The following USP25 variants were observed in gnomAD, a reference collection of about 807,000 sequenced individuals.
USP25 encodes ubiquitin specific peptidase 25.
In USP25, 85 loss-of-function variants were observed where a neutral mutation model predicts 158.5. The observed-to-expected ratio is 0.54, with a 90% CI of 0.45 to 0.64. USP25 has a LOEUF of 0.64. USP25 is among the 30% of genes least tolerant of loss of function. USP25 has a pLI of 0.00. For missense variants in USP25, 1,242 were observed against 1,327.3 expected, an observed-to-expected ratio of 0.94 and a Z score of 1.00; for synonymous variants, 464 against 460.4, an observed-to-expected ratio of 1.01 and a Z score of -0.10.
intron 17 of USP25, among the ~76,000 whole-genome samples, chr21:15,840,040 A>G (rs1319271199): frequency 2.6e-5 from 4 of 151,876 alleles, no homozygotes; most frequent in East Asian, 3.9e-4. Flanking sequence ...GTTCTTCTCT[A>G]TTGTACTTAT....
chr21:15,779,128 T>A (rs933719150), intron 4 of USP25, among the ~76,000 whole-genome samples: 10 of 152,074 alleles, frequency 6.6e-5, no homozygotes, highest in Non-Finnish European at 1.2e-4. Context: ...TAAGACATTA[T>A]ATTATGTAAA....
chr21:15,825,159 T>G lies in USP25; in HGVS notation c.1304+98T>G, dbSNP rs371234290. The G allele has an allele frequency of 2.1e-4, 176 of 836,938 alleles. No individual in the cohort carries two copies. In the African/African-American group the frequency reaches 2.6e-3, roughly 13 times the overall value. The allele number at this position is 836,938 out of a possible 1,614,324, so 51.8% of individuals were successfully genotyped here. The stretch of plus-strand genomic sequence containing the variant: ...AAATTTGCTTTGAGTGATTTATAAT[T>G]TTAGGAGTAGTTAATATTGTGTGAA... On this transcript the variant is annotated intron_variant, in intron 12 of 25. Coordinates refer to ENST00000400183, the MANE Select transcript of USP25 (RefSeq NM_001283041.3).
chr21:15,789,057 G>T (rs971968968), intron 4 of USP25, among the ~76,000 whole-genome samples: 1 of 152,022 alleles, frequency 6.6e-6, no homozygotes, highest in East Asian at 1.9e-4. Context: ...AAATGGTTCA[G>T]GCTTTACTTG....
intron 4 of USP25, among the ~76,000 whole-genome samples, chr21:15,778,717 A>G (rs541889597): frequency 6.6e-6 from 1 of 152,118 alleles, no homozygotes; most frequent in African/African-American, 2.4e-5. Flanking sequence ...GGTTTTCATA[A>G]TACCTCTAAA....
chr21:15,811,141 G>A lies in USP25; in HGVS notation c.862G>A (p.Glu288Lys), dbSNP rs2036640356. Residue 288 changes from glutamate (E) to lysine (K), a missense_variant, in exon 9 of 26, where the codon GAA becomes AAA. Physicochemically the swap from Glu to Lys is moderately conservative, Grantham distance 56. This residue lies in a region of USP25 where 627 missense variants were observed against 701.4 expected (regional missense o/e 0.89). Coordinates refer to ENST00000400183, the MANE Select transcript of USP25 (RefSeq NM_001283041.3). ...ATATTTTTTAACATACTTTAGGGAT[G>A]AAGAGAAGCCAAAGAACCCCATGGT... is the stretch of plus-strand genomic sequence containing the variant. ...FQMKAEEETD[E>K]EKPKNPMVEL... The A allele has an allele frequency of 1.2e-6, 2 of 1,610,684 alleles. No homozygotes were observed. Among genetic ancestry groups the A allele is most frequent in the Admixed American group, 1.7e-5 (1 of 59,270 alleles).
chr21:15,830,413 A>G (rs1447497957), intron 14 of USP25, 118 bp from the exon 15 acceptor site: 13 of 746,224 alleles, frequency 1.7e-5, no homozygotes, highest in Non-Finnish European at 2.7e-5. Flanking sequence ...TTTTTTAAGA[A>G]AAGTTTTAGG....
intron 5 of USP25, among the ~76,000 whole-genome samples, chr21:15,791,880 T>C (rs770007884): frequency 2.0e-5 from 3 of 151,894 alleles, no homozygotes; most frequent in Non-Finnish European, 2.9e-5. Context: ...TCACTACTTA[T>C]GCCTTTCACT....
chr21:15,788,587 T>C (rs552832636), intron 4 of USP25, among the ~76,000 whole-genome samples: 68 of 152,192 alleles, frequency 4.5e-4, no homozygotes, highest in African/African-American at 1.6e-3. Context: ...TTAAGTTCTT[T>C]AGGAACCAAG....
chr21:15,761,931 A>C (rs548652224), intron 1 of USP25, among the ~76,000 whole-genome samples: 1 of 152,288 alleles, frequency 6.6e-6, no homozygotes, highest in African/African-American at 2.4e-5. Context: ...AGGAAGCAGG[A>C]AGTGAGCTTG....
chr21:15,835,527 T>C (rs2038023793), intron 17 of USP25, among the ~76,000 whole-genome samples: 1 of 152,214 alleles, frequency 6.6e-6, no homozygotes, highest in Non-Finnish European at 1.5e-5. Context: ...TTACATGGTG[T>C]TTTGTAATTT....
At chr21:15,828,107 C>T (rs562620311) in intron 14 of USP25, among the ~76,000 whole-genome samples, 12 of 151,920 alleles carry the variant, frequency 7.9e-5, no homozygotes, top group African/African-American at 2.7e-4. Flanking sequence ...ATTATATGAC[C>T]AACTTAACTC....
intron 1 of USP25, among the ~76,000 whole-genome samples, chr21:15,731,386 C>T (rs926211851): frequency 2.6e-5 from 4 of 152,086 alleles, no homozygotes; most frequent in Non-Finnish European, 2.9e-5. Context: ...TTAGGGTTTA[C>T]TGTGATCAAC....
chr21:15,773,538 A>C lies in USP25; in HGVS notation c.269-4366A>C, dbSNP rs560924344. Among the ~76,000 whole-genome samples, 40 of 152,054 alleles carry C rather than the reference A, an allele frequency of 2.6e-4. 1 individual carries two copies. The highest frequency in any genetic ancestry group is 8.3e-4 in the South Asian group (4 of 4,828). On this transcript the variant is annotated intron_variant, in intron 3 of 25. Transcript: ENST00000400183. ...TATTATTGTACACATACAATCTCCTAATCTTTATCTTTTGCCAGTTATTTC... is the reference window on the plus strand; with the variant it reads ...TATTATTGTACACATACAATCTCCTCATCTTTATCTTTTGCCAGTTATTTC...
At chr21:15,832,212 CTG>C (rs2037837619) in intron 16 of USP25, among the ~76,000 whole-genome samples, 1 of 152,192 alleles carries the variant, frequency 6.6e-6, no homozygotes, top group Admixed American at 6.5e-5. Context: ...CATCTGTCTA[CTG>C]GGCATTTACT....
chr21:15,860,082 G>A (rs892707849), intron 20 of USP25, among the ~76,000 whole-genome samples: 61 of 149,822 alleles, frequency 4.1e-4, no homozygotes, highest in African/African-American at 1.4e-3. Context: ...TTTGCCTCCC[G>A]GGTTCAAGTG....
intron 9 of USP25, among the ~76,000 whole-genome samples, chr21:15,813,635 C>T (rs1007014367): frequency 6.6e-6 from 1 of 152,162 alleles, no homozygotes; most frequent in African/African-American, 2.4e-5. Flanking sequence ...CTTTCTTTCT[C>T]ATCAATATTT....
At chr21:15,753,641 A>C (rs566924267) in intron 1 of USP25, among the ~76,000 whole-genome samples, 92 of 152,138 alleles carry the variant, frequency 6.0e-4, no homozygotes, top group Non-Finnish European at 1.2e-3. Context: ...AATTTAGAAG[A>C]ATTAGAAAAT....
Position 15,878,423 on chromosome 21 carries a change from G to A in USP25, c.3326G>A (p.Arg1109Gln), listed in dbSNP as rs759431268. ...PSYSTHELCE[R>Q]FARIMLSLSR... ...TATTCCACGCATGAACTCTGTGAGC[G>A]ATTTGCCCGAATCATGTTGTCCCTC... is the stretch of plus-strand genomic sequence containing the variant. The change falls in exon 26 of 26, where the codon CGA becomes CAA. Residue 1109 changes from arginine (R) to glutamine (Q), a missense_variant. Physicochemically the swap from Arg to Gln is conservative, Grantham distance 43 (BLOSUM62 1). Coordinates refer to ENST00000400183, the MANE Select transcript of USP25 (RefSeq NM_001283041.3). 3.1e-6 allele frequency: 5 copies of A among 1,614,012 alleles called. No individual in the cohort carries two copies. Among genetic ancestry groups the A allele is most frequent in the South Asian group, 2.2e-5 (2 of 91,068 alleles).
chr21:15,806,995 C>T (rs1360625180), intron 7 of USP25, among the ~76,000 whole-genome samples: 1 of 151,990 alleles, frequency 6.6e-6, no homozygotes, highest in African/African-American at 2.4e-5. Flanking sequence ...ATGACAATGG[C>T]TCACTGCAGC....
Sources: gnomAD v4.1 joint callset for allele counts (sites outside exome capture counted in the v4.1 genomes callset) on GRCh38, gnomAD v4.1.1 for gene constraint, gnomAD v4.1.1 regional missense constraint, MANE v1.5 for transcripts, NCBI Gene and HGNC (gene_info 2026-07-23, HGNC 2026-07-21) for gene names.